MCF2: variants seen among roughly 807,000 people sequenced by gnomAD.
The protein encoded by MCF2 is MCF.2 cell line derived transforming sequence, also known as proto-oncogene DBL.
MCF2 carries 44 observed loss-of-function variants against 82.5 expected under a neutral mutation model. That is an observed-to-expected ratio of 0.53 (90% CI 0.42 to 0.69). The LOEUF (loss-of-function observed/expected upper bound fraction) is 0.69, where lower values mean the gene tolerates loss of function less well. MCF2 is among the 30% of genes least tolerant of loss of function. The probability of loss-of-function intolerance (pLI) is 0.00; values close to 1 mark genes in which losing one functional copy is unlikely to be tolerated. For missense variants in MCF2, 623 were observed against 663.1 expected (o/e 0.94, Z 0.66); for synonymous variants, 217 against 224.9 (o/e 0.96, Z 0.32).
chrX:139,667,586 C>T (rs1312891977), intron 1 of MCF2, among the ~76,000 whole-genome samples: 1 of 111,960 alleles, frequency 8.9e-6, no homozygotes, highest in East Asian at 2.8e-4. Flanking sequence ...TTGTTCATCC[C>T]TCATGATTCC....
chrX:139,616,511 A>T lies in MCF2; in HGVS notation c.1000-38T>A, dbSNP rs756120483. On this transcript the variant is annotated intron_variant, in intron 8 of 24. Coordinates refer to ENST00000370576, the Ensembl canonical transcript of MCF2. ...TCAAGAAGAAAAAAAAAAAATATGA[A>T]TTAATAAAGAGAAAACATATTTGTC... 4 of 753,399 alleles carry T rather than the reference A, an allele frequency of 5.3e-6. No individual in the cohort carries two copies. In the South Asian group the frequency reaches 1.7e-4, roughly 33 times the overall value. The allele number at this position is 753,399 out of a possible 1,213,427, so 62.1% of individuals were successfully genotyped here.
rs184150914 is a variant in MCF2, at chrX:139,694,953, A to G, written c.-45+13153T>C. 2.3e-3 allele frequency among the ~76,000 whole-genome samples: 248 copies of G among 108,269 alleles called. 1 individual carries two copies. The highest frequency in any genetic ancestry group is 7.7e-3 in the Admixed American group (77 of 10,012). The allele number at this position is 108,269 out of a possible 115,157, so 94.0% of individuals were successfully genotyped here. A position where few individuals can be genotyped will look rare whatever the true frequency, so the allele number is the denominator to read the frequency against. ...TATCAATGCCAATATTCTGCTTGTG[A>G]TATTGTACTGTAGTTTTGCAAGATG... is the stretch of plus-strand genomic sequence containing the variant. On this transcript the variant is annotated intron_variant, in intron 1 of 27. Coordinates refer to the MCF2 transcript ENST00000414978.
At chrX:139,603,485 T>C (rs1603280161) in intron 15 of MCF2, among the ~76,000 whole-genome samples, 1 of 112,574 alleles carries the variant, frequency 8.9e-6, no homozygotes, top group South Asian at 3.7e-4. Context: ...AAGGATAAAC[T>C]GCTATTGCTT....
chrX:139,583,209 G>T (rs1382820763), intron 24 of MCF2, among the ~76,000 whole-genome samples: 1 of 111,977 alleles, frequency 8.9e-6, no homozygotes, highest in Non-Finnish European at 1.9e-5. Context: ...TATTTCTTTT[G>T]TAAGTATTTA....
At chrX:139,677,077 G>A (rs540560632) in intron 1 of MCF2, among the ~76,000 whole-genome samples, 2 of 111,973 alleles carry the variant, frequency 1.8e-5, no homozygotes, top group South Asian at 7.6e-4. Context: ...TGCACACTAA[G>A]AGGAAAAGTG....
In MCF2 at chrX:139,604,989, C is replaced by G; in HGVS notation, c.1558-5G>C. ...ATCCATCTCCGCTCTATAACCCTAC[C>G]CAAAATAAATACATTCATGCATTTT... On this transcript the variant is annotated splice_polypyrimidine_tract_variant and splice_region_variant and intron_variant, in intron 13 of 24. Transcript: ENST00000370576. 9.7e-7 allele frequency: 1 copy of G among 1,027,226 alleles called. No individual in the cohort carries two copies. Among genetic ancestry groups the G allele is most frequent in the Non-Finnish European group, 1.3e-6 (1 of 750,862 alleles). 84.7% of individuals were successfully genotyped at this position (1,027,226 alleles called of 1,213,427 possible). A position where few individuals can be genotyped will look rare whatever the true frequency, so the allele number is the denominator to read the frequency against.
chrX:139,689,567 C>A (rs1473765763), intron 1 of MCF2, among the ~76,000 whole-genome samples: 1 of 109,828 alleles, frequency 9.1e-6, no homozygotes, highest in Non-Finnish European at 1.9e-5. Context: ...CTTTACCCCC[C>A]ATATTTTACA....
chrX:139,700,829 T>A (rs1485466097), intron 1 of MCF2, among the ~76,000 whole-genome samples: 2 of 112,140 alleles, frequency 1.8e-5, no homozygotes, highest in African/African-American at 6.5e-5. Flanking sequence ...GAGTAAATGT[T>A]CAGGGAACCC....
intron 7 of MCF2, among the ~76,000 whole-genome samples, chrX:139,618,911 T>G (rs1295783897): frequency 9.0e-6 from 1 of 111,531 alleles, no homozygotes; most frequent in Non-Finnish European, 1.9e-5. Context: ...TACACCTAAA[T>G]GAATATTCAC....
chrX:139,664,327 A>C (rs997382213), intron 1 of MCF2, among the ~76,000 whole-genome samples: 21 of 111,795 alleles, frequency 1.9e-4, no homozygotes, highest in Admixed American at 6.6e-4. Context: ...AAACAAAAAA[A>C]AAAAACCATT....
At chrX:139,616,533 T>TTC (rs1931924790) in intron 8 of MCF2, 60 bp from the exon 12 acceptor site, 1 of 733,763 alleles carries the variant, frequency 1.4e-6, no homozygotes, top group East Asian at 3.5e-5. Context: ...AAAACATATT[T>TTC]GTCCAATAAG....
At chrX:139,646,126 G>T (rs993725246), upstream of MCF2, among the ~76,000 whole-genome samples, 4 of 111,259 alleles carry the variant, frequency 3.6e-5, no homozygotes, top group African/African-American at 1.3e-4. Context: ...ACTTCTATTT[G>T]CCCTAAAAAT....
At chrX:139,613,001 T>C (rs1328947419) in intron 10 of MCF2, among the ~76,000 whole-genome samples, 2 of 111,738 alleles carry the variant, frequency 1.8e-5, no homozygotes, top group Non-Finnish European at 3.8e-5. Flanking sequence ...AGACATTGAA[T>C]TTAGAACCAT....
intron 1 of MCF2, among the ~76,000 whole-genome samples, chrX:139,655,655 T>A (rs774595325): frequency 2.9e-4 from 32 of 111,349 alleles, no homozygotes; most frequent in Non-Finnish European, 4.7e-4. Flanking sequence ...TTTCTCCTAA[T>A]GTTATCCCTC....
At chrX:139,691,296 G>A (rs1935256870) in intron 1 of MCF2, among the ~76,000 whole-genome samples, 1 of 111,485 alleles carries the variant, frequency 9.0e-6, no homozygotes, top group South Asian at 3.8e-4. Flanking sequence ...CCACGGCCCT[G>A]CTGCTGGTTT....
At position 139,602,710 on chromosome X, in the gene MCF2, C is replaced by T. The variant is rs1025053526; in HGVS notation, c.1744-212G>A. ...GGACACATAATTATCTAAGTAATAT[C>T]AGAGCTTCCACTTGCCAAGCTTGAG... On this transcript the variant is annotated intron_variant, in intron 15 of 24. Coordinates refer to ENST00000370576, the Ensembl canonical transcript of MCF2. 4.5e-5 allele frequency among the ~76,000 whole-genome samples: 5 copies of T among 112,174 alleles called. No homozygotes were observed. The South Asian group carries it at 1.9e-3, about 42-fold the overall frequency.
chrX:139,668,386 A>C (rs969475657), intron 1 of MCF2, among the ~76,000 whole-genome samples: 2 of 111,671 alleles, frequency 1.8e-5, no homozygotes, highest in African/African-American at 3.3e-5. Context: ...TCCTAGTGCT[A>C]GTTCCTTCCC....
At chrX:139,634,702 G>T (rs956296533) in intron 1 of MCF2, among the ~76,000 whole-genome samples, 7 of 111,636 alleles carry the variant, frequency 6.3e-5, no homozygotes, top group Non-Finnish European at 1.1e-4. Flanking sequence ...TCTGAGAAAC[G>T]ACTCCCCCTT....
intron 1 of MCF2, among the ~76,000 whole-genome samples, chrX:139,682,526 T>A (rs1304302731): frequency 8.9e-6 from 1 of 112,682 alleles, no homozygotes; most frequent in Non-Finnish European, 1.9e-5. Context: ...ATATTTTTCC[T>A]GCTTAAAGCA....
Sources: allele counts gnomAD v4.1 joint callset (sites outside exome capture counted in the v4.1 genomes callset), GRCh38; gene constraint gnomAD v4.1.1; transcripts MANE v1.5; gene names NCBI Gene and HGNC (gene_info 2026-07-23, HGNC 2026-07-21).